Variants in KCNIP1 observed in about 807,000 individuals in gnomAD.
The protein encoded by KCNIP1 is potassium voltage-gated channel interacting protein 1.
KCNIP1 carries 18 observed loss-of-function variants against 33.0 expected under a neutral mutation model. The ratio of observed to expected loss-of-function variants is 0.55; its 90% CI spans 0.38 to 0.81. The LOEUF (loss-of-function observed/expected upper bound fraction) is 0.81. Among genes scored for constraint, KCNIP1 ranks in the 30% least tolerant of loss-of-function variants. The pLI, the probability that KCNIP1 is intolerant of heterozygous loss-of-function variation, is 0.00. For missense variants in KCNIP1, 238 were observed against 271.6 expected, an observed-to-expected ratio of 0.88 and a Z score of 0.87; for synonymous variants, 93 against 98.3, an observed-to-expected ratio of 0.95 and a Z score of 0.32.
At chr5:170,671,872 G>A (rs911598412) in intron 1 of KCNIP1, among the ~76,000 whole-genome samples, 5 of 152,186 alleles carry the variant, frequency 3.3e-5, no homozygotes, top group Non-Finnish European at 7.3e-5. Context: ...AGACAGTAAA[G>A]CTTAGATGGT....
chr5:170,387,776 G>A (rs1303385226), intron 1 of KCNIP1, among the ~76,000 whole-genome samples: 2 of 152,200 alleles, frequency 1.3e-5, no homozygotes, highest in Non-Finnish European at 2.9e-5. Flanking sequence ...TGTATTCACA[G>A]GTAAAGCAAC....
chr5:170,559,418 T>TTTTGGGC (rs1374294098), intron 1 of KCNIP1, among the ~76,000 whole-genome samples: 40 of 152,302 alleles, frequency 2.6e-4, no homozygotes, highest in African/African-American at 9.1e-4. Flanking sequence ...TGCCCAGTTC[T>TTTTGGGC]TCAAACTTTG....
rs1355176239 is a variant in KCNIP1 at position 170,624,507 on chromosome 5, A to G, written c.62-94251A>G. On this transcript the variant is annotated intron_variant, in intron 1 of 7. Coordinates refer to ENST00000328939, the MANE Select transcript of KCNIP1 (RefSeq NM_014592.4). ...CTCTCCATTTTACAATCATTTTACA[A>G]CATCTCTGGCTATTCTCCTATATTT... Among the ~76,000 whole-genome samples, 3 of 151,944 alleles carry G rather than the reference A, an allele frequency of 2.0e-5. No homozygotes were observed. In the South Asian group the frequency reaches 6.3e-4, roughly 32 times the overall value.
At chr5:170,523,223 G>C (rs531712495) in intron 1 of KCNIP1, among the ~76,000 whole-genome samples, 74 of 152,328 alleles carry the variant, frequency 4.9e-4, no homozygotes, top group Middle Eastern at 3.4e-3. Context: ...CCAAGGTAGA[G>C]TTCAGTTCCC....
At chr5:170,682,784 C>CTTTTTTTTTATTTTTTTTTTTTTTTTT (rs1762396786) in intron 1 of KCNIP1, among the ~76,000 whole-genome samples, 1 of 71,404 alleles carries the variant, frequency 1.4e-5, no homozygotes, top group Non-Finnish European at 2.4e-5. Context: ...TTCTTTGTTT[C>CTTTTTTTTTATTTTTTTTTTTTTTTTT]TTTTTTTTTT....
intron 1 of KCNIP1, among the ~76,000 whole-genome samples, chr5:170,676,826 G>T (rs1324140773): frequency 6.6e-6 from 1 of 152,216 alleles, no homozygotes. Context: ...AGCAGAAGTA[G>T]CTAGCTAAAA....
chr5:170,504,712 C>G lies in KCNIP1; in HGVS notation c.61+79C>G. On this transcript the variant is annotated intron_variant, in intron 1 of 7. Coordinates refer to ENST00000328939, the MANE Select transcript of KCNIP1 (RefSeq NM_014592.4). This position sits in a 1 kb window ranked among gnomAD's most constrained non-coding sequence, Gnocchi z 6.0. The stretch of plus-strand genomic sequence containing the variant: ...CCGAGGTGGGCTGTGCCACCTGCCT[C>G]CCTTAGTCCGGACTCTCCTCTCCAC... 2.5e-6 allele frequency: 3 copies of G among 1,200,004 alleles called. No homozygotes were observed. In the South Asian group the frequency reaches 3.6e-5, roughly 15 times the overall value. The allele number at this position is 1,200,004 out of a possible 1,614,324, so 74.3% of individuals were successfully genotyped here.
intron 1 of KCNIP1, among the ~76,000 whole-genome samples, chr5:170,409,790 G>A (rs748577334): frequency 3.3e-5 from 5 of 152,194 alleles, no homozygotes; most frequent in Non-Finnish European, 4.4e-5. Flanking sequence ...ATTTGGTTGA[G>A]TTACATACCC....
intron 1 of KCNIP1, among the ~76,000 whole-genome samples, chr5:170,433,375 T>A (rs1755787355): frequency 6.6e-6 from 1 of 152,094 alleles, no homozygotes; most frequent in Non-Finnish European, 1.5e-5. Flanking sequence ...TTAGTAGAGA[T>A]GGGATTTCAC....
At chr5:170,562,673 G>A (rs567339663) in intron 1 of KCNIP1, among the ~76,000 whole-genome samples, 94 of 152,286 alleles carry the variant, frequency 6.2e-4, no homozygotes, top group African/African-American at 2.1e-3. Flanking sequence ...GAGCTGCTGT[G>A]CCCACGACAT....
chr5:170,712,813 G>C, intron 1 of KCNIP1: 2 of 1,605,972 alleles, frequency 1.2e-6, no homozygotes, highest in Non-Finnish European at 1.7e-6. Context: ...TTTGCTTTTC[G>C]ATGAATCGAT....
intron 1 of KCNIP1, among the ~76,000 whole-genome samples, chr5:170,550,524 GATGATGATGGTGATA>G (rs1342102794): frequency 0.011 from 1,596 of 151,078 alleles, 33 homozygotes; most frequent in African/African-American, 0.037. Flanking sequence ...TGATGGCAAT[GATGATGATGGTGATA>G]ATGATGATGG....
rs112966481 is a variant in KCNIP1, at chr5:170,554,757, T to G, written c.61+50124T>G. Reference sequence around the variant, plus strand: ...TGCCAGAGCCTCCTTTGACTCTGTTTATCGGTTCTCTTCCTGTATGTGTCA... The same window carrying G: ...TGCCAGAGCCTCCTTTGACTCTGTTGATCGGTTCTCTTCCTGTATGTGTCA... On this transcript the variant is annotated intron_variant, in intron 1 of 7. Coordinates refer to ENST00000328939, the MANE Select transcript of KCNIP1 (RefSeq NM_014592.4). Among the ~76,000 whole-genome samples, 604 of 152,332 alleles carry G rather than the reference T, an allele frequency of 4.0e-3. 7 individuals carry two copies. Among genetic ancestry groups the G allele is most frequent in the African/African-American group, 0.013 (533 of 41,568 alleles).
At chr5:170,572,656 A>G (rs746843012) in intron 1 of KCNIP1, among the ~76,000 whole-genome samples, 2 of 152,204 alleles carry the variant, frequency 1.3e-5, no homozygotes, top group African/African-American at 2.4e-5. Flanking sequence ...GTACAATGTT[A>G]TTGACTGAAA....
intron 1 of KCNIP1, among the ~76,000 whole-genome samples, chr5:170,664,416 C>A (rs1046234745): frequency 2.6e-5 from 4 of 152,196 alleles, no homozygotes; most frequent in African/African-American, 9.7e-5. Flanking sequence ...TGTGCAAGTG[C>A]TCATCTCCCC....
At chr5:170,515,522 A>G (rs1755088907) in intron 1 of KCNIP1, among the ~76,000 whole-genome samples, 1 of 152,218 alleles carries the variant, frequency 6.6e-6, no homozygotes. Context: ...CATAATCATT[A>G]TATTAACAGC....
Position 170,378,636 on chromosome 5 carries a change from G to A in KCNIP1, c.88+24672G>A, listed in dbSNP as rs181390920. The stretch of plus-strand genomic sequence containing the variant: ...TGGAGAAGGCATTGTGCTGCAAGTG[G>A]GGAGCAGCCCTGGGGGCCCAGCCAG... On this transcript the variant is annotated intron_variant, in intron 1 of 7. Transcript: ENST00000377360. The A allele has an allele frequency of 1.9e-4, 291 of 1,497,034 alleles. 1 individual carries two copies. In the East Asian group the frequency reaches 2.5e-3, roughly 13 times the overall value. 92.7% of individuals were successfully genotyped at this position (1,497,034 alleles called of 1,614,324 possible).
chr5:170,674,878 T>C (rs751427955), intron 1 of KCNIP1, among the ~76,000 whole-genome samples: 4 of 152,126 alleles, frequency 2.6e-5, no homozygotes, highest in African/African-American at 4.8e-5. Context: ...CCAGCCCTGC[T>C]GGATTCCACA....
intron 1 of KCNIP1, 128 bp from the exon 2 acceptor site, chr5:170,718,630 G>T: frequency 9.6e-7 from 1 of 1,042,936 alleles, no homozygotes; most frequent in East Asian, 2.6e-5. Flanking sequence ...AAGGCCATTG[G>T]CAGTGTGACC....
Sources: gnomAD v4.1 joint callset for allele counts (sites outside exome capture counted in the v4.1 genomes callset) on GRCh38, gnomAD v4.1.1 for gene constraint, Gnocchi (gnomAD v3.1) non-coding constraint, MANE v1.5 for transcripts, NCBI Gene and HGNC (gene_info 2026-07-23, HGNC 2026-07-21) for gene names.